RAD51B: variants seen among roughly 807,000 people sequenced by gnomAD.
RAD51B encodes the protein DNA repair protein RAD51 homolog 2.
Under a neutral mutation model 42.2 loss-of-function variants are expected in RAD51B, and 38 were observed. That is an observed-to-expected ratio of 0.90 (90% CI 0.70 to 1.18). The LOEUF (loss-of-function observed/expected upper bound fraction) is 1.18. Among genes scored for constraint, RAD51B ranks in the 50% most tolerant of loss-of-function variants. RAD51B has a pLI of 0.00. For missense variants in RAD51B, 373 were observed against 400.7 expected, an observed-to-expected ratio of 0.93 and a Z score of 0.59; for synonymous variants, 154 against 145.2, an observed-to-expected ratio of 1.06 and a Z score of -0.43.
At chr14:68,592,046 C>T (rs1329107917) in intron 10 of RAD51B, among the ~76,000 whole-genome samples, 1 of 152,166 alleles carries the variant, frequency 6.6e-6, no homozygotes, top group Non-Finnish European at 1.5e-5. Context: ...TAGTCCTACT[C>T]CCTGAAGGAT....
chr14:68,557,179 A>G (rs187897344), intron 10 of RAD51B, among the ~76,000 whole-genome samples: 1 of 152,328 alleles, frequency 6.6e-6, no homozygotes, highest in East Asian at 1.9e-4. Flanking sequence ...ACTACAGATG[A>G]ATCTCCACTC....
At chr14:68,658,355 C>T (rs145675925) in intron 11 of RAD51B, among the ~76,000 whole-genome samples, 205 of 152,348 alleles carry the variant, frequency 1.3e-3, no homozygotes, top group Middle Eastern at 3.4e-3. Context: ...ACAGACCTGT[C>T]CTCATGGTGC....
At chr14:67,960,675 T>A (rs2074645623) in intron 7 of RAD51B, among the ~76,000 whole-genome samples, 1 of 152,194 alleles carries the variant, frequency 6.6e-6, no homozygotes, top group South Asian at 2.1e-4. Flanking sequence ...TTTCTTTCTT[T>A]TTCTTTTTTT....
intron 4 of RAD51B, among the ~76,000 whole-genome samples, chr14:67,841,730 G>A (rs2041436166): frequency 1.3e-5 from 2 of 152,144 alleles, no homozygotes; most frequent in Non-Finnish European, 2.9e-5. Flanking sequence ...GAGGTTGTAA[G>A]TGTGTGGTTT....
intron 7 of RAD51B, among the ~76,000 whole-genome samples, chr14:68,276,302 C>T (rs911058975): frequency 2.0e-5 from 3 of 152,170 alleles, no homozygotes; most frequent in African/African-American, 7.2e-5. Flanking sequence ...TGACTCCTCC[C>T]CTGAGTCTCC....
At chr14:68,459,764 T>G (rs953214262) in intron 9 of RAD51B, among the ~76,000 whole-genome samples, 5 of 152,350 alleles carry the variant, frequency 3.3e-5, no homozygotes, top group Middle Eastern at 3.4e-3. Context: ...TTACATTGTC[T>G]CTGGGCCCCA....
At chr14:67,878,985 A>G (rs2042818634) in intron 5 of RAD51B, among the ~76,000 whole-genome samples, 1 of 152,238 alleles carries the variant, frequency 6.6e-6, no homozygotes, top group Admixed American at 6.5e-5. Context: ...AAGTCCTGGG[A>G]TTACAGGCGT....
intron 10 of RAD51B, among the ~76,000 whole-genome samples, chr14:68,639,839 G>T (rs1249758965): frequency 4.6e-5 from 7 of 152,074 alleles, no homozygotes; most frequent in African/African-American, 1.4e-4. Context: ...GTCCAGGCCG[G>T]AGTGCAGTGG....
intron 7 of RAD51B, among the ~76,000 whole-genome samples, chr14:68,143,438 C>T (rs770701082): frequency 7.9e-5 from 12 of 152,178 alleles, no homozygotes; most frequent in African/African-American, 1.4e-4. Context: ...AATGGGCCAG[C>T]GGCCAAACAT....
At chr14:68,265,900 A>G (rs1447676369) in intron 7 of RAD51B, among the ~76,000 whole-genome samples, 35 of 152,256 alleles carry the variant, frequency 2.3e-4, no homozygotes, top group Admixed American at 2.3e-3. Context: ...ATATAAATAT[A>G]ATTGTGCTCA....
At chr14:68,280,441 G>C (rs916987981) in intron 7 of RAD51B, among the ~76,000 whole-genome samples, 3 of 152,118 alleles carry the variant, frequency 2.0e-5, no homozygotes, top group Non-Finnish European at 2.9e-5. Context: ...GTGCTCCCAT[G>C]TGCCAGCTAT....
chr14:68,227,687 G>A (rs1046324677), intron 7 of RAD51B, among the ~76,000 whole-genome samples: 8 of 152,062 alleles, frequency 5.3e-5, no homozygotes, highest in African/African-American at 1.2e-4. Flanking sequence ...TTCAGGGTCC[G>A]TCAACTGGGG....
At chr14:68,655,540 C>T (rs1279093840) in intron 11 of RAD51B, among the ~76,000 whole-genome samples, 1 of 152,102 alleles carries the variant, frequency 6.6e-6, no homozygotes, top group Non-Finnish European at 1.5e-5. Flanking sequence ...AGAGGGCAGG[C>T]GTGTGGGGGA....
intron 7 of RAD51B, among the ~76,000 whole-genome samples, chr14:67,935,478 C>T (rs1476315749): frequency 6.6e-6 from 1 of 152,138 alleles, no homozygotes; most frequent in Non-Finnish European, 1.5e-5. Context: ...GATTTTCCTG[C>T]CTCAGCATCC....
chr14:68,180,934 C>T (rs2079050879), intron 7 of RAD51B, among the ~76,000 whole-genome samples: 1 of 152,150 alleles, frequency 6.6e-6, no homozygotes, highest in African/African-American at 2.4e-5. Flanking sequence ...ACTGGCAAGA[C>T]AAGTTATCAT....
intron 10 of RAD51B, chr14:68,563,536 A>AT: frequency 2.0e-6 from 2 of 985,368 alleles, no homozygotes; most frequent in African/African-American, 1.7e-5. Context: ...TTGTTAATTC[A>AT]TTTTTTTCTC....
chr14:68,645,504 G>T (rs564081561), intron 10 of RAD51B, among the ~76,000 whole-genome samples: 46 of 152,254 alleles, frequency 3.0e-4, no homozygotes, highest in African/African-American at 1.1e-3. Flanking sequence ...GTTATTTTGG[G>T]TATGTACCCA....
intron 7 of RAD51B, among the ~76,000 whole-genome samples, chr14:68,133,494 C>T (rs150503361): frequency 4.0e-4 from 61 of 152,144 alleles, no homozygotes; most frequent in African/African-American, 1.3e-3. Context: ...CTTTTTGAGA[C>T]GAAGTCTCAC....
chr14:67,969,859 A>G (rs1380388750), intron 7 of RAD51B, among the ~76,000 whole-genome samples: 1 of 152,200 alleles, frequency 6.6e-6, no homozygotes, highest in Non-Finnish European at 1.5e-5. Context: ...CAATTAGACC[A>G]CTAGTATTTG....
Sources: allele counts gnomAD v4.1 joint callset (sites outside exome capture counted in the v4.1 genomes callset), GRCh38; gene constraint gnomAD v4.1.1; transcripts MANE v1.5; gene names NCBI Gene and HGNC (gene_info 2026-07-23, HGNC 2026-07-21).